The following TAS2R1 variants were observed in gnomAD, a reference collection of about 807,000 sequenced individuals.
The protein encoded by TAS2R1 is taste 2 receptor member 1, also known as taste receptor type 2 member 1.
For synonymous variants in TAS2R1, 141 were observed against 134.2 expected (o/e 1.05, Z -0.35); for missense variants, 370 against 353.4 (o/e 1.05, Z -0.38).
At chr5:9,785,718 A>G in the TAS2R1 span, among the ~76,000 whole-genome samples, 1 of 152,188 alleles carries the variant, frequency 6.6e-6, no homozygotes, top group African/African-American at 2.4e-5. Flanking sequence ...CAGCCCAAGG[A>G]GGTTAAAGTC....
chr5:9,698,643 G>A (rs1259519665), intron 1 of TAS2R1, among the ~76,000 whole-genome samples: 2 of 152,058 alleles, frequency 1.3e-5, no homozygotes, highest in African/African-American at 2.4e-5. Flanking sequence ...AAACACACCC[G>A]AGAAGTCAGA....
the TAS2R1 span, among the ~76,000 whole-genome samples, chr5:9,765,035 G>A: frequency 6.6e-6 from 1 of 152,040 alleles, no homozygotes; most frequent in African/African-American, 2.4e-5. Context: ...TTTATAGTAT[G>A]AACCCAGTTA....
the TAS2R1 span, among the ~76,000 whole-genome samples, chr5:9,730,067 C>T: frequency 3.3e-5 from 5 of 152,122 alleles, no homozygotes; most frequent in Non-Finnish European, 7.4e-5. Context: ...TTTTTAAATA[C>T]TCTGTACAAC....
At chr5:9,859,874 C>T in the TAS2R1 span, among the ~76,000 whole-genome samples, 6 of 152,224 alleles carry the variant, frequency 3.9e-5, no homozygotes, top group East Asian at 9.6e-4. Context: ...CTCACAGGAT[C>T]CAGTGAAAAA....
the TAS2R1 span, among the ~76,000 whole-genome samples, chr5:9,728,164 C>T: frequency 6.6e-6 from 1 of 152,150 alleles, no homozygotes; most frequent in Admixed American, 6.5e-5. Context: ...TTCTACCACC[C>T]CAATAGAATG....
At chr5:9,723,689 G>A in the TAS2R1 span, among the ~76,000 whole-genome samples, 1 of 152,230 alleles carries the variant, frequency 6.6e-6, no homozygotes, top group Non-Finnish European at 1.5e-5. Flanking sequence ...GGCCCCACTG[G>A]CCATGCCCTC....
the TAS2R1 span, among the ~76,000 whole-genome samples, chr5:9,745,862 C>G: frequency 1.2e-4 from 19 of 152,128 alleles, no homozygotes; most frequent in African/African-American, 4.1e-4. Context: ...CATGGGCAAA[C>G]ACTTCATGAC....
intron 1 of TAS2R1, among the ~76,000 whole-genome samples, chr5:9,702,863 G>A (rs142861187): frequency 6.6e-6 from 1 of 152,060 alleles, no homozygotes; most frequent in African/African-American, 2.4e-5. Flanking sequence ...GAGGGAGAAA[G>A]AAAACAAGGA....
At chr5:9,840,594 T>C in the TAS2R1 span, among the ~76,000 whole-genome samples, 1 of 152,110 alleles carries the variant, frequency 6.6e-6, no homozygotes, top group Non-Finnish European at 1.5e-5. Flanking sequence ...TAATTCTATA[T>C]ATTCCTATAT....
chr5:9,851,074 G>A, the TAS2R1 span, among the ~76,000 whole-genome samples: 1 of 152,194 alleles, frequency 6.6e-6, no homozygotes, highest in African/African-American at 2.4e-5. Context: ...CACGACCTGA[G>A]ATGTCTATTG....
chr5:9,823,914 A>G, the TAS2R1 span, among the ~76,000 whole-genome samples: 2 of 152,222 alleles, frequency 1.3e-5, no homozygotes, highest in Admixed American at 1.3e-4. Context: ...CAACACTGAT[A>G]GAACTAAAAA....
the TAS2R1 span, among the ~76,000 whole-genome samples, chr5:9,852,851 A>AT: frequency 0.032 from 4,407 of 135,824 alleles, 226 homozygotes; most frequent in African/African-American, 0.11. Flanking sequence ...GGAAAAAAAA[A>AT]AATATATATA....
the TAS2R1 span, among the ~76,000 whole-genome samples, chr5:9,732,097 A>C: frequency 2.6e-5 from 4 of 152,242 alleles, no homozygotes; most frequent in Non-Finnish European, 5.9e-5. Flanking sequence ...ACATGGAGTC[A>C]TCAGCAAAGA....
chr5:9,768,013 C>T, the TAS2R1 span, among the ~76,000 whole-genome samples: 1 of 151,928 alleles, frequency 6.6e-6, no homozygotes, highest in Non-Finnish European at 1.5e-5. Flanking sequence ...CAAGCCCCCA[C>T]ACTCCTTCCT....
chr5:9,895,941 G>A, the TAS2R1 span, among the ~76,000 whole-genome samples: 3 of 152,334 alleles, frequency 2.0e-5, no homozygotes, highest in South Asian at 6.2e-4. Flanking sequence ...GTGATTATTA[G>A]CACATCCAGG....
intron 1 of TAS2R1, among the ~76,000 whole-genome samples, chr5:9,698,942 T>C (rs1485177544): frequency 1.3e-5 from 2 of 152,252 alleles, no homozygotes; most frequent in African/African-American, 4.8e-5. Flanking sequence ...GCGTATCAAG[T>C]ATATAAAGTA....
chr5:9,651,114 G>C (rs570240335), intron 2 of TAS2R1, among the ~76,000 whole-genome samples: 2 of 149,426 alleles, frequency 1.3e-5, no homozygotes, highest in Admixed American at 1.3e-4. Flanking sequence ...TCAAAAGACT[G>C]TGCTGTGGTG....
At chr5:9,815,900 T>C in the TAS2R1 span, among the ~76,000 whole-genome samples, 1 of 152,186 alleles carries the variant, frequency 6.6e-6, no homozygotes, top group Non-Finnish European at 1.5e-5. Context: ...GTGGTCACCC[T>C]CTTAGGGTCA....
chr5:9,876,224 G>T, the TAS2R1 span, among the ~76,000 whole-genome samples: 1 of 148,768 alleles, frequency 6.7e-6, no homozygotes, highest in African/African-American at 2.5e-5. Flanking sequence ...AGGAGGAAAG[G>T]ACGACAAACC....
Sources: gnomAD v4.1 joint callset for allele counts (sites outside exome capture counted in the v4.1 genomes callset) on GRCh38, gnomAD v4.1.1 for gene constraint, MANE v1.5 for transcripts, NCBI Gene and HGNC (gene_info 2026-07-23, HGNC 2026-07-21) for gene names.